ZNF365: variants seen among roughly 807,000 people sequenced by gnomAD.
ZNF365 encodes the protein zinc finger protein 365.
In ZNF365, 22 loss-of-function variants were observed where a neutral mutation model predicts 35.0. The observed-to-expected ratio is 0.63, with a 90% CI of 0.45 to 0.90. The LOEUF (loss-of-function observed/expected upper bound fraction) is 0.90. Ranked by LOEUF, ZNF365 falls within the 40% of genes least tolerant of loss-of-function variation. The pLI, the probability that ZNF365 is intolerant of heterozygous loss-of-function variation, is 0.00. For missense variants in ZNF365, 448 were observed against 500.3 expected (o/e 0.90, Z 1.00); for synonymous variants, 188 against 196.2 (o/e 0.96, Z 0.35).
At chr10:62,398,926 G>A (rs1335898100) in intron 4 of ZNF365, 149 bp downstream of exon 4, 2 of 733,626 alleles carry the variant, frequency 2.7e-6, no homozygotes, top group East Asian at 2.8e-5. Context: ...ACCTGCATGT[G>A]TATCTAACTT....
intron 4 of ZNF365, 141 bp from the exon 5 acceptor site, chr10:62,399,387 T>G (rs1215872357): frequency 7.9e-7 from 1 of 1,267,278 alleles, no homozygotes; most frequent in Non-Finnish European, 1.1e-6. Flanking sequence ...ATACTCATAT[T>G]ATGATTTGCC....
chr10:62,381,920 C>A (rs1223875034), intron 2 of ZNF365, among the ~76,000 whole-genome samples: 1 of 152,182 alleles, frequency 6.6e-6, no homozygotes, highest in Non-Finnish European at 1.5e-5. Context: ...GAAGACAAAT[C>A]TTTATTGAGT....
intron 3 of ZNF365, among the ~76,000 whole-genome samples, chr10:62,422,265 A>G (rs1452584273): frequency 3.3e-5 from 5 of 152,142 alleles, no homozygotes; most frequent in Non-Finnish European, 7.3e-5. Flanking sequence ...GGTTGGGTAG[A>G]CTGGGAAATG....
intron 3 of ZNF365, among the ~76,000 whole-genome samples, chr10:62,457,795 G>A (rs988840842): frequency 1.1e-4 from 16 of 152,192 alleles, no homozygotes; most frequent in African/African-American, 3.6e-4. Context: ...GAGTAGGTGT[G>A]TCTCCTCAGT....
At chr10:62,457,677 A>G (rs1015251693) in intron 3 of ZNF365, among the ~76,000 whole-genome samples, 1 of 152,182 alleles carries the variant, frequency 6.6e-6, no homozygotes, top group Non-Finnish European at 1.5e-5. Context: ...TTCATGCCCC[A>G]TTTCCACTCT....
At chr10:62,420,878 G>A (rs1442745942) in intron 3 of ZNF365, among the ~76,000 whole-genome samples, 7 of 151,730 alleles carry the variant, frequency 4.6e-5, no homozygotes, top group African/African-American at 9.7e-5. Context: ...CACCTCCCTG[G>A]CTCAAGTGAT....
At chr10:62,446,726 G>A (rs897144403) in intron 3 of ZNF365, among the ~76,000 whole-genome samples, 5 of 152,214 alleles carry the variant, frequency 3.3e-5, no homozygotes, top group African/African-American at 1.2e-4. Flanking sequence ...CTCTGTAGTT[G>A]CTGGTCGTTT....
chr10:62,475,423 C>G (rs1841113446), intron 4 of ZNF365, among the ~76,000 whole-genome samples: 1 of 152,072 alleles, frequency 6.6e-6, no homozygotes, highest in African/African-American at 2.4e-5. Context: ...GAGACCCTGT[C>G]TCTAAATAAA....
At position 62,400,750 on chromosome 10, in the gene ZNF365, T is replaced by C; in HGVS notation, c.*961T>C. On this transcript the variant is annotated 3_prime_UTR_variant, in exon 5 of 5. Transcript: ENST00000395254. The stretch of plus-strand genomic sequence containing the variant: ...GCCCTCTCTCTCTCTGCTATGGGCA[T>C]GACTTTCTCTTCGCTGGCTTAACTT... 1.0e-6 allele frequency: 1 copy of C among 985,710 alleles called. No individual in the cohort carries two copies. Among genetic ancestry groups the C allele is most frequent in the Non-Finnish European group, 1.2e-6 (1 of 830,050 alleles). 61.1% of individuals were successfully genotyped at this position (985,710 alleles called of 1,614,324 possible).
intron 4 of ZNF365, among the ~76,000 whole-genome samples, chr10:62,461,181 A>C (rs1027237608): frequency 6.6e-6 from 1 of 152,204 alleles, no homozygotes; most frequent in Non-Finnish European, 1.5e-5. Context: ...CAGGCCTTAA[A>C]GACAAGTACA....
rs746960079 is a variant in ZNF365, at chr10:62,399,784, A to G, written c.1219A>G (p.Ile407Val). ...AAAGCCAACAGCCATTGTGAACATC[A>G]TCTAAAAGGGTGGGTGGTGCTGGAC... Reference protein sequence around the residue: ...KKKPTAIVNII With the variant: ...KKKPTAIVNIV Residue 407 changes from isoleucine to valine, a missense_variant, in exon 5 of 5, where the codon ATC becomes GTC. Around this residue, in one of 3 missense-constraint regions of ZNF365, gnomAD observed 362 missense variants for 375.7 expected, o/e 0.96. Transcript: ENST00000395254. The G allele has an allele frequency of 1.7e-5, 27 of 1,611,922 alleles. No homozygotes were observed. In the East Asian group the frequency reaches 6.0e-4, roughly 36 times the overall value.
At chr10:62,458,288 C>G (rs1013931409) in intron 3 of ZNF365, among the ~76,000 whole-genome samples, 1 of 152,220 alleles carries the variant, frequency 6.6e-6, no homozygotes, top group African/African-American at 2.4e-5. Flanking sequence ...TTTCTCTGCT[C>G]TGTTTCATCT....
intron 3 of ZNF365, among the ~76,000 whole-genome samples, chr10:62,447,463 C>A (rs2132469964): frequency 6.6e-6 from 1 of 152,304 alleles, no homozygotes; most frequent in East Asian, 1.9e-4. Flanking sequence ...TGGTCACTCA[C>A]ACTCTGGCAT....
intron 2 of ZNF365, among the ~76,000 whole-genome samples, chr10:62,383,484 CAT>C (rs2132412941): frequency 6.6e-6 from 1 of 152,264 alleles, no homozygotes; most frequent in South Asian, 2.1e-4. Flanking sequence ...GAGGGAACAG[CAT>C]ATCCAAAAGT....
intron 3 of ZNF365, among the ~76,000 whole-genome samples, chr10:62,458,077 G>A (rs1840789373): frequency 6.6e-6 from 1 of 152,188 alleles, no homozygotes; most frequent in Admixed American, 6.5e-5. Flanking sequence ...GTATGCATGG[G>A]AAAAGAGGAG....
intron 3 of ZNF365, among the ~76,000 whole-genome samples, chr10:62,409,761 T>C (rs1839958283): frequency 6.6e-6 from 1 of 152,110 alleles, no homozygotes. Flanking sequence ...TCACTAGAGT[T>C]AACTAGATAT....
chr10:62,479,846 A>G (rs1841193420), intron 4 of ZNF365: 4 of 1,520,944 alleles, frequency 2.6e-6, no homozygotes, highest in African/African-American at 2.7e-5. Flanking sequence ...CTGCAACTCT[A>G]CTAACTTTCC....
chr10:62,442,664 G>A (rs1564591391), intron 3 of ZNF365, among the ~76,000 whole-genome samples: 2 of 152,172 alleles, frequency 1.3e-5, no homozygotes, highest in African/African-American at 2.4e-5. Flanking sequence ...CCTTTGCCCT[G>A]TCTCTTGAAA....
chr10:62,431,861 C>T (rs921422142), intron 3 of ZNF365, among the ~76,000 whole-genome samples: 5 of 144,212 alleles, frequency 3.5e-5, no homozygotes, highest in African/African-American at 5.1e-5. Flanking sequence ...GTTTGTTTGC[C>T]TTTTTTTTTT....
Sources: gnomAD v4.1 joint callset for allele counts (sites outside exome capture counted in the v4.1 genomes callset) on GRCh38, gnomAD v4.1.1 for gene constraint, gnomAD v4.1.1 regional missense constraint, MANE v1.5 for transcripts, NCBI Gene and HGNC (gene_info 2026-07-23, HGNC 2026-07-21) for gene names.